Variants in MSR1 observed in about 807,000 individuals in gnomAD.
The protein encoded by MSR1 is macrophage scavenger receptor types I and II.
MSR1 carries 53 observed loss-of-function variants against 47.2 expected under a neutral mutation model. The observed-to-expected ratio is 1.12, with a 90% confidence interval of 0.90 to 1.41. The LOEUF is 1.41. MSR1 is among the 40% of genes most tolerant of loss of function. The pLI is 0.00. For synonymous variants in MSR1, 239 were observed against 185.6 expected, an observed-to-expected ratio of 1.29 and a Z score of -2.34; for missense variants, 786 against 546.9, an observed-to-expected ratio of 1.44 and a Z score of -4.36.
intron 8 of MSR1, among the ~76,000 whole-genome samples, chr8:16,132,690 G>C (rs567910613): frequency 6.6e-6 from 1 of 151,994 alleles, no homozygotes; most frequent in Non-Finnish European, 1.5e-5. Flanking sequence ...TTTGCCATTT[G>C]GCCAGGCTGG....
At chr8:16,127,366 C>G (rs1459974967) in intron 8 of MSR1, among the ~76,000 whole-genome samples, 1 of 152,152 alleles carries the variant, frequency 6.6e-6, no homozygotes, top group Non-Finnish European at 1.5e-5. Context: ...TACATCGCCG[C>G]CCAATAAGCA....
intron 8 of MSR1, among the ~76,000 whole-genome samples, chr8:16,134,568 C>G (rs909784669): frequency 2.0e-5 from 3 of 152,038 alleles, no homozygotes; most frequent in African/African-American, 7.2e-5. Flanking sequence ...ATCCCTATTC[C>G]CTGAGACACA....
chr8:16,164,861 A>G (rs564447544), intron 4 of MSR1, among the ~76,000 whole-genome samples: 44 of 152,192 alleles, frequency 2.9e-4, no homozygotes, highest in African/African-American at 1.0e-3. Flanking sequence ...ATACATACAC[A>G]TTCATATACT....
At chr8:16,139,038 C>T (rs1271310264) in intron 8 of MSR1, among the ~76,000 whole-genome samples, 2 of 152,270 alleles carry the variant, frequency 1.3e-5, no homozygotes, top group Admixed American at 6.5e-5. Context: ...TGCCCTCCGG[C>T]GTGCACTCTG....
chr8:16,132,344 C>T (rs1800280582), intron 8 of MSR1, among the ~76,000 whole-genome samples: 1 of 152,022 alleles, frequency 6.6e-6, no homozygotes, highest in African/African-American at 2.4e-5. Context: ...ATTTTGTATC[C>T]TGAAACTTTG....
chr8:16,191,355 T>C (rs435181), intron 1 of MSR1, among the ~76,000 whole-genome samples: 26,430 of 152,124 alleles, frequency 0.17, 3,497 homozygotes, highest in African/African-American at 0.36. Context: ...TGTGTGATCT[T>C]AGGCAAATAT....
At chr8:16,120,304 G>C in intron 9 of MSR1, 114 bp downstream of exon 9, 1 of 1,081,882 alleles carries the variant, frequency 9.2e-7, no homozygotes, top group Non-Finnish European at 1.4e-6. Context: ...TTGAATCCGG[G>C]AGGCAGAGGT....
chr8:16,154,999 A>C, intron 6 of MSR1, 65 bp downstream of exon 6: 5 of 1,353,482 alleles, frequency 3.7e-6, no homozygotes, highest in Middle Eastern at 1.9e-4. Context: ...CCTCCCCTAC[A>C]CATGTACCTG....
Position 16,130,332 on chromosome 8 carries a change from C to T in MSR1, c.1034-9726G>A, listed in dbSNP as rs532272762. Among the ~76,000 whole-genome samples, 8 of 152,206 alleles carry T rather than the reference C, an allele frequency of 5.3e-5. 1 individual carries two copies. The South Asian group carries it at 1.0e-3, about 20-fold the overall frequency. ...TGTCATTTTTCCAATAGCATGTGCT[C>T]GCTTTGTGTCTTTGTGTCACATTTT... On this transcript the variant is annotated intron_variant, in intron 8 of 9. Coordinates refer to ENST00000262101, the MANE Select transcript of MSR1 (RefSeq NM_138715.3).
chr8:16,119,949 C>T (rs999747551), intron 9 of MSR1, among the ~76,000 whole-genome samples: 39 of 147,944 alleles, frequency 2.6e-4, no homozygotes, highest in Middle Eastern at 3.7e-3. Context: ...CTCATTTATT[C>T]CAGTGATCTT....
intron 8 of MSR1, among the ~76,000 whole-genome samples, chr8:16,132,860 AGAAT>A (rs1800296425): frequency 6.6e-6 from 1 of 152,160 alleles, no homozygotes; most frequent in South Asian, 2.1e-4. Context: ...GTTTTCAAGC[AGAAT>A]GTTTCCAGGT....
intron 8 of MSR1, chr8:16,139,330 G>A (rs1473002215): frequency 1.0e-6 from 1 of 976,914 alleles, no homozygotes; most frequent in Non-Finnish European, 1.2e-6. Flanking sequence ...CATCTTTAAA[G>A]GACTTTATGA....
At position 16,150,464 on chromosome 8, in the gene MSR1, T is replaced by C. The variant is rs1022542282; in HGVS notation, c.899-153A>G. 1.3e-4 allele frequency among the ~76,000 whole-genome samples: 20 copies of C among 152,080 alleles called. No individual in the cohort carries two copies. In the East Asian group the frequency reaches 2.1e-3, roughly 16 times the overall value. Reference sequence around the variant, plus strand: ...CTTTCCTAAAATTTAATGTTTGACATTGAAAAACAATAGAAGCGATAAATA... The same window carrying C: ...CTTTCCTAAAATTTAATGTTTGACACTGAAAAACAATAGAAGCGATAAATA... On this transcript the variant is annotated intron_variant, in intron 6 of 9. Transcript: ENST00000262101.
At chr8:16,149,449 A>T (rs898527045) in intron 7 of MSR1, among the ~76,000 whole-genome samples, 1 of 151,818 alleles carries the variant, frequency 6.6e-6, no homozygotes, top group African/African-American at 2.4e-5. Flanking sequence ...GGCTCGTCTC[A>T]AACTCCTGAG....
intron 4 of MSR1, among the ~76,000 whole-genome samples, chr8:16,165,065 T>C (rs575159126): frequency 1.7e-3 from 253 of 152,250 alleles, no homozygotes; most frequent in Middle Eastern, 3.4e-3. Flanking sequence ...CTGTGCACTT[T>C]TCTACAACTA....
intron 2 of MSR1, among the ~76,000 whole-genome samples, chr8:16,176,820 T>C (rs953691164): frequency 6.6e-6 from 1 of 152,172 alleles, no homozygotes; most frequent in Admixed American, 6.5e-5. Flanking sequence ...GTGTCTCACT[T>C]GTGCCATATC....
intron 6 of MSR1, 127 bp downstream of exon 6, chr8:16,154,937 C>T (rs575832476): frequency 7.8e-5 from 33 of 421,310 alleles, no homozygotes; most frequent in Non-Finnish European, 1.3e-4. Flanking sequence ...TGCGTGCATA[C>T]ACACACACAC....
intron 1 of MSR1, among the ~76,000 whole-genome samples, chr8:16,189,765 A>G (rs1802140675): frequency 7.8e-6 from 1 of 127,528 alleles, no homozygotes; most frequent in South Asian, 2.3e-4. Flanking sequence ...TATATATTTT[A>G]TATATATATA....
rs12114884 is a variant in MSR1, at chr8:16,123,381, G to A, written c.1034-2775C>T. ...TTGGTGATGTAGAAAAGTTCATTTT[G>A]TCATCAACCTTGATCATAGGATTTT... On this transcript the variant is annotated intron_variant, in intron 8 of 9. Coordinates refer to ENST00000262101, the MANE Select transcript of MSR1 (RefSeq NM_138715.3). Among the ~76,000 whole-genome samples, 493 of 152,226 alleles carry A rather than the reference G, an allele frequency of 3.2e-3. 6 individuals are homozygous for A. Among genetic ancestry groups the A allele is most frequent in the African/African-American group, 0.01 (433 of 41,550 alleles).
Sources: allele counts gnomAD v4.1 joint callset (sites outside exome capture counted in the v4.1 genomes callset), GRCh38; gene constraint gnomAD v4.1.1; transcripts MANE v1.5; gene names NCBI Gene and HGNC (gene_info 2026-07-23, HGNC 2026-07-21).